Variants in VPS35L observed in about 807,000 individuals in gnomAD.
VPS35L encodes the protein VPS35 endosomal protein sorting factor like, also known as VPS35 endosomal protein-sorting factor-like.
Under a neutral mutation model 133.0 loss-of-function variants are expected in VPS35L, and 83 were observed. That is an observed-to-expected ratio of 0.62 (90% CI 0.52 to 0.75). VPS35L has a LOEUF of 0.75. Ranked by LOEUF, VPS35L falls within the 30% of genes least tolerant of loss-of-function variation. The pLI is 0.00. For missense variants in VPS35L, 1,083 were observed against 1,206.8 expected (o/e 0.90, Z 1.52); for synonymous variants, 423 against 449.9 (o/e 0.94, Z 0.76).
intron 26 of VPS35L, among the ~76,000 whole-genome samples, chr16:19,660,149 AC>A (rs1196151646): frequency 1.3e-5 from 2 of 151,914 alleles, no homozygotes; most frequent in African/African-American, 4.8e-5. Flanking sequence ...ACATGACAAA[AC>A]CCTGTCTCTA....
intron 28 of VPS35L, among the ~76,000 whole-genome samples, chr16:19,685,839 C>T (rs915467236): frequency 6.6e-6 from 1 of 152,076 alleles, no homozygotes; most frequent in Non-Finnish European, 1.5e-5. Context: ...CTTTGAGGAC[C>T]AGACAGAGAC....
chr16:19,592,154 A>C (rs1339063851), intron 8 of VPS35L, among the ~76,000 whole-genome samples: 1 of 151,200 alleles, frequency 6.6e-6, no homozygotes, highest in Non-Finnish European at 1.5e-5. Context: ...GGCTCACTGC[A>C]GCCTCAAACC....
chr16:19,678,767 C>T (rs1353972507), intron 27 of VPS35L, among the ~76,000 whole-genome samples: 1 of 151,904 alleles, frequency 6.6e-6, no homozygotes, highest in African/African-American at 2.4e-5. Context: ...CTTGAGCCAC[C>T]ACACCCAGCC....
intron 27 of VPS35L, among the ~76,000 whole-genome samples, chr16:19,673,213 G>C (rs1266526437): frequency 6.6e-6 from 1 of 152,242 alleles, no homozygotes; most frequent in African/African-American, 2.4e-5. Context: ...GATCCAGCCG[G>C]TAGACATGTA....
At position 19,634,816 on chromosome 16, in the gene VPS35L, T is replaced by G. The variant is rs150596300; in HGVS notation, c.1635+1644T>G. 4.5e-4 allele frequency among the ~76,000 whole-genome samples: 69 copies of G among 152,274 alleles called. 1 individual carries two copies. In the East Asian group the frequency reaches 0.012, roughly 26 times the overall value. ...ATTTGCATATCTCAAGAGGTCTTCCTACTGAGCAGGTATCAATTGCAATGA... is the reference window on the plus strand; with the variant it reads ...ATTTGCATATCTCAAGAGGTCTTCCGACTGAGCAGGTATCAATTGCAATGA... On this transcript the variant is annotated intron_variant, in intron 19 of 30. Coordinates refer to ENST00000417362, the MANE Select transcript of VPS35L (RefSeq NM_020314.7).
intron 8 of VPS35L, among the ~76,000 whole-genome samples, chr16:19,599,101 A>G (rs1385077323): frequency 1.3e-5 from 2 of 152,184 alleles, no homozygotes; most frequent in Non-Finnish European, 2.9e-5. Flanking sequence ...CAGGAGGAAA[A>G]AGGCAGGTGG....
chr16:19,700,540 C>T lies in VPS35L; in HGVS notation c.*64C>T. On this transcript the variant is annotated 3_prime_UTR_variant, in exon 31 of 31. Coordinates refer to ENST00000417362, the MANE Select transcript of VPS35L (RefSeq NM_020314.7). ...AAATCCAGAAAGATCTGCTCTGCTG[C>T]CCTGAACTCTTACGGCAATTTAGGT... 1 of 1,335,756 alleles carries T rather than the reference C, an allele frequency of 7.5e-7. No individual in the cohort carries two copies. The highest frequency in any genetic ancestry group is 1.9e-4 in the Middle Eastern group (1 of 5,386). 82.7% of individuals were successfully genotyped at this position (1,335,756 alleles called of 1,614,324 possible).
intron 8 of VPS35L, among the ~76,000 whole-genome samples, chr16:19,594,120 G>C (rs1039924731): frequency 6.6e-6 from 1 of 152,106 alleles, no homozygotes; most frequent in Non-Finnish European, 1.5e-5. Context: ...CAGTCCCTGA[G>C]CCAGTTGTGT....
chr16:19,638,471 T>A (rs1973688385), intron 20 of VPS35L, among the ~76,000 whole-genome samples: 1 of 152,238 alleles, frequency 6.6e-6, no homozygotes. Flanking sequence ...GTATACTATG[T>A]TTTATCCTAT....
chr16:19,691,649 T>C (rs1975691956), intron 29 of VPS35L, among the ~76,000 whole-genome samples, 178 bp downstream of exon 29: 1 of 152,182 alleles, frequency 6.6e-6, no homozygotes, highest in Admixed American at 6.5e-5. Context: ...CTGCCTGGAC[T>C]GCGCCTCCCC....
At chr16:19,604,266 C>T (rs530505624) in intron 9 of VPS35L, among the ~76,000 whole-genome samples, 72 of 152,064 alleles carry the variant, frequency 4.7e-4, no homozygotes, top group African/African-American at 1.6e-3. Context: ...TTTGAATTTG[C>T]CTCTACTGCA....
chr16:19,571,796 T>G (rs1971393789), intron 3 of VPS35L, among the ~76,000 whole-genome samples: 2 of 151,730 alleles, frequency 1.3e-5, no homozygotes. Flanking sequence ...CTGCCCACAT[T>G]GGCCTCCCAA....
At chr16:19,632,651 A>T (rs1275084679) in intron 18 of VPS35L, among the ~76,000 whole-genome samples, 1 of 152,182 alleles carries the variant, frequency 6.6e-6, no homozygotes, top group African/African-American at 2.4e-5. Context: ...CCTGGGCTGG[A>T]TTGGGCTGCA....
At chr16:19,624,428 C>T (rs1480179410) in intron 14 of VPS35L, among the ~76,000 whole-genome samples, 1 of 151,214 alleles carries the variant, frequency 6.6e-6, no homozygotes, top group Non-Finnish European at 1.5e-5. Flanking sequence ...ACTAAAAATA[C>T]AAAAAAATTA....
intron 28 of VPS35L, among the ~76,000 whole-genome samples, chr16:19,689,175 C>T (rs1429091891): frequency 1.3e-5 from 2 of 151,110 alleles, no homozygotes; most frequent in Non-Finnish European, 1.5e-5. Flanking sequence ...GACGGGGTTT[C>T]ACCATGTTGA....
At position 19,610,349 on chromosome 16, in the gene VPS35L, G is replaced by A. The variant is rs149360565; in HGVS notation, c.957G>A (p.Leu319=). 1,092 of 1,614,074 alleles carry A rather than the reference G, an allele frequency of 6.8e-4. 4 individuals carry two copies. Among genetic ancestry groups the A allele is most frequent in the Middle Eastern group, 3.6e-3 (22 of 6,062 alleles). ...KTGISECLPR[L]TCMIRGIGDP... ...GAATTTCAGAGTGCCTGCCCCGGTT[G>A]ACATGCATGATCAGAGGGATCGGAG... The change falls in exon 12 of 31, where the codon TTG becomes TTA. Residue 319 remains leucine (L), a synonymous_variant. Transcript: ENST00000417362.
chr16:19,604,007 C>T (rs1972467291), intron 9 of VPS35L, among the ~76,000 whole-genome samples: 1 of 152,146 alleles, frequency 6.6e-6, no homozygotes, highest in African/African-American at 2.4e-5. Flanking sequence ...GCTGGTATTA[C>T]AGGCATGAGC....
chr16:19,691,168 G>A (rs1440093909), intron 28 of VPS35L, among the ~76,000 whole-genome samples, 185 bp from the exon 29 acceptor site: 1 of 152,168 alleles, frequency 6.6e-6, no homozygotes, highest in African/African-American at 2.4e-5. Flanking sequence ...TGTCCTGCAG[G>A]CTGGGTGTTT....
intron 5 of VPS35L, among the ~76,000 whole-genome samples, chr16:19,577,410 A>G (rs1971572155): frequency 6.6e-6 from 1 of 152,308 alleles, no homozygotes; most frequent in South Asian, 2.1e-4. Context: ...CAAGCCGTTC[A>G]TGGTGGATCC....
Sources: allele counts gnomAD v4.1 joint callset (sites outside exome capture counted in the v4.1 genomes callset), GRCh38; gene constraint gnomAD v4.1.1; transcripts MANE v1.5; gene names NCBI Gene and HGNC (gene_info 2026-07-23, HGNC 2026-07-21).